GVQW3: variants seen among roughly 807,000 people sequenced by gnomAD.
The protein encoded by GVQW3 is GVQW motif containing 3, also known as protein GVQW3.
GVQW3 carries 7 observed loss-of-function variants against 12.5 expected under a neutral mutation model. The observed-to-expected ratio is 0.56, with a 90% CI of 0.32 to 1.05. The LOEUF (loss-of-function observed/expected upper bound fraction) is 1.05. Ranked by LOEUF, GVQW3 falls within the 50% of genes least tolerant of loss-of-function variation. GVQW3 has a pLI of 0.04. For synonymous variants in GVQW3, 71 were observed against 67.2 expected (o/e 1.06, Z -0.28); for missense variants, 188 against 190.8 (o/e 0.99, Z 0.09).
chr11:76,383,818 G>T (rs923855515), intron 1 of GVQW3: 1 of 152,004 alleles, frequency 6.6e-6, no homozygotes, highest in Non-Finnish European at 1.5e-5. Flanking sequence ...GACACTATTG[G>T]CTAAAATAAC....
In GVQW3 at chr11:76,381,855, G is replaced by A; in HGVS notation, c.27G>A (p.Arg9=). 6.5e-7 allele frequency: 1 copy of A among 1,535,542 alleles called. No homozygotes were observed. Among genetic ancestry groups the A allele is most frequent in the Non-Finnish European group, 8.7e-7 (1 of 1,146,602 alleles). ...TGAGTGACCGCTATTTAGAACAAAG[G>A]ATTAGTATCAAATTTTGCGTGAAAT... MSDRYLEQ[R]ISIKFCVKLN... is the part of the protein sequence containing the mutation. The change falls in exon 1 of 2, where the codon AGG becomes AGA. Residue 9 remains arginine (R), a synonymous_variant. Transcript: ENST00000529331.
Position 76,405,630 on chromosome 11 carries a change from G to T in GVQW3, c.*1872G>T, listed in dbSNP as rs947201582. ...ACTGCCCCTCTAAAGTCTTGTCTTG[G>T]AGTCACATGAGGTCCAAGTGGGCTT... is the stretch of plus-strand genomic sequence containing the variant. On this transcript the variant is annotated 3_prime_UTR_variant, in exon 2 of 2. Transcript: ENST00000529331. 2.6e-5 allele frequency: 4 copies of T among 152,404 alleles called. No homozygotes were observed. Among genetic ancestry groups the T allele is most frequent in the African/African-American group, 9.7e-5 (4 of 41,420 alleles). 9.4% of individuals were successfully genotyped at this position (152,404 alleles called of 1,614,324 possible). A position where few individuals can be genotyped will look rare whatever the true frequency, so the allele number is the denominator to read the frequency against.
At chr11:76,400,511 C>T (rs1946979852) in intron 1 of GVQW3, among the ~76,000 whole-genome samples, 1 of 152,150 alleles carries the variant, frequency 6.6e-6, no homozygotes, top group African/African-American at 2.4e-5. Flanking sequence ...ACCTCCGCCT[C>T]CTGGGTTCGA....
chr11:76,388,736 T>C (rs1025147374), intron 1 of GVQW3, among the ~76,000 whole-genome samples: 20 of 152,114 alleles, frequency 1.3e-4, no homozygotes, highest in African/African-American at 4.3e-4. Context: ...CACTAACCCA[T>C]TGTTAACTGC....
chr11:76,384,715 T>C (rs1946815021), intron 1 of GVQW3, among the ~76,000 whole-genome samples: 1 of 152,208 alleles, frequency 6.6e-6, no homozygotes, highest in Admixed American at 6.5e-5. Context: ...AAACAACAGC[T>C]TATAGACCTC....
intron 1 of GVQW3, among the ~76,000 whole-genome samples, chr11:76,402,316 G>C (rs1946997484): frequency 6.6e-6 from 1 of 152,184 alleles, no homozygotes; most frequent in Non-Finnish European, 1.5e-5. Flanking sequence ...ACTTTGGGAG[G>C]CTGAGGTGGG....
At chr11:76,385,293 A>G (rs2134535929) in intron 1 of GVQW3, among the ~76,000 whole-genome samples, 1 of 152,350 alleles carries the variant, frequency 6.6e-6, no homozygotes, top group African/African-American at 2.4e-5. Flanking sequence ...GCATCTCCAA[A>G]TAGGAAAGTT....
At chr11:76,387,894 G>A (rs780738330) in intron 1 of GVQW3, among the ~76,000 whole-genome samples, 1 of 152,196 alleles carries the variant, frequency 6.6e-6, no homozygotes, top group East Asian at 1.9e-4. Flanking sequence ...CTGCACTACA[G>A]CCTAGGCGAC....
chr11:76,392,712 C>G (rs1946904496), intron 1 of GVQW3: 2 of 152,170 alleles, frequency 1.3e-5, no homozygotes. Flanking sequence ...GAGGGTTTTA[C>G]CAAATTTCTC....
intron 1 of GVQW3, among the ~76,000 whole-genome samples, chr11:76,402,619 G>A (rs61894462): frequency 0.024 from 3,724 of 152,164 alleles, 66 homozygotes; most frequent in East Asian, 0.079. Context: ...CAAGGAGTGC[G>A]ATGTGAGACC....
downstream of GVQW3, chr11:76,408,381 A>G (rs1947061295): frequency 6.6e-6 from 1 of 152,210 alleles, no homozygotes; most frequent in African/African-American, 2.4e-5. Context: ...GTGAAGCACT[A>G]TCTAAGTGTA....
chr11:76,401,788 A>G (rs532877637), intron 1 of GVQW3, among the ~76,000 whole-genome samples: 31 of 150,960 alleles, frequency 2.1e-4, no homozygotes, highest in Middle Eastern at 3.4e-3. Context: ...AAAAAAAAAA[A>G]AAAGAAAGAA....
chr11:76,396,016 T>C (rs1423335632), intron 1 of GVQW3, among the ~76,000 whole-genome samples: 2 of 152,308 alleles, frequency 1.3e-5, no homozygotes, highest in Non-Finnish European at 2.9e-5. Flanking sequence ...TTCCTTCTAA[T>C]CCTTTTAGGC....
intron 1 of GVQW3, among the ~76,000 whole-genome samples, chr11:76,390,326 G>A (rs954625440): frequency 6.6e-6 from 1 of 152,170 alleles, no homozygotes; most frequent in Non-Finnish European, 1.5e-5. Context: ...GTGACTTTGG[G>A]CAGTTCATTT....
rs1345216135 is a variant in GVQW3, at chr11:76,407,973, A to C, written c.*4215A>C. ...AAACCCCTCAAGATAGATCCAAAAC[A>C]TTACCAGTGGTTTGATCTGGGTGAT... On this transcript the variant is annotated 3_prime_UTR_variant, in exon 2 of 2. Coordinates refer to ENST00000529331, the MANE Select transcript of GVQW3 (RefSeq NM_001347885.2). The C allele has an allele frequency of 6.6e-6, 1 of 152,094 alleles. No individual in the cohort carries two copies. The allele number at this position is 152,094 out of a possible 1,614,324, so 9.4% of individuals were successfully genotyped here. A position where few individuals can be genotyped will look rare whatever the true frequency, so the allele number is the denominator to read the frequency against.
rs751324225 is a variant in GVQW3, at chr11:76,406,560, G to A, written c.*2802G>A. 6.6e-6 allele frequency: 1 copy of A among 152,166 alleles called. No individual in the cohort carries two copies. Among genetic ancestry groups the A allele is most frequent in the Non-Finnish European group, 1.5e-5 (1 of 68,034 alleles). The allele number at this position is 152,166 out of a possible 1,614,324, so 9.4% of individuals were successfully genotyped here. On this transcript the variant is annotated 3_prime_UTR_variant, in exon 2 of 2. Coordinates refer to ENST00000529331, the MANE Select transcript of GVQW3 (RefSeq NM_001347885.2). ...ACCCAGCTGCAGCTTCTCATCTCAC[G>A]AATTTCAAGTGACTTTTGACTATTG... is the stretch of plus-strand genomic sequence containing the variant.
intron 1 of GVQW3, among the ~76,000 whole-genome samples, chr11:76,385,752 T>A (rs993720930): frequency 6.6e-6 from 1 of 152,080 alleles, no homozygotes; most frequent in Non-Finnish European, 1.5e-5. Flanking sequence ...AGAAGCAGGG[T>A]GGGGTGACAT....
In GVQW3 at chr11:76,381,809, C is replaced by T; in HGVS notation, c.-20C>T. 1 of 1,507,816 alleles carries T rather than the reference C, an allele frequency of 6.6e-7. No homozygotes were observed. The highest frequency in any genetic ancestry group is 8.8e-7 in the Non-Finnish European group (1 of 1,133,594). The allele number at this position is 1,507,816 out of a possible 1,614,324, so 93.4% of individuals were successfully genotyped here. On this transcript the variant is annotated 5_prime_UTR_variant, in exon 1 of 2. Transcript: ENST00000529331. ...TACAGTCGTGGCCTGTTAAACGTTC[C>T]TGTGTTGTTCAGTGCCAGAATGAGT...
At chr11:76,387,767 AC>A (rs960457252) in intron 1 of GVQW3, among the ~76,000 whole-genome samples, 47 of 152,290 alleles carry the variant, frequency 3.1e-4, no homozygotes, top group African/African-American at 1.1e-3. Flanking sequence ...ACAAAAAAAT[AC>A]AAAAATTAGC....
Sources: allele counts gnomAD v4.1 joint callset (sites outside exome capture counted in the v4.1 genomes callset), GRCh38; gene constraint gnomAD v4.1.1; transcripts MANE v1.5; gene names NCBI Gene and HGNC (gene_info 2026-07-23, HGNC 2026-07-21).